NPHP4: variants seen among roughly 807,000 people sequenced by gnomAD.
The protein encoded by NPHP4 is nephrocystin 4.
In NPHP4, 151 loss-of-function variants were observed where a neutral mutation model predicts 155.8. The observed-to-expected ratio is 0.97, with a 90% CI of 0.85 to 1.11. The LOEUF is 1.11. NPHP4 is among the 50% of genes least tolerant of loss of function. The pLI is 0.00. For missense variants in NPHP4, 1,956 were observed against 1,925.7 expected, an observed-to-expected ratio of 1.02 and a Z score of -0.29; for synonymous variants, 845 against 816.8, an observed-to-expected ratio of 1.03 and a Z score of -0.59.
rs1278089386 is a variant in NPHP4 at position 5,873,294 on chromosome 1, CA to C, written c.3272del (p.Val1091GlyfsTer31). On this transcript the variant is annotated frameshift_variant, in exon 23 of 30. Transcript: ENST00000378156. LOFTEE classifies it high-confidence loss of function. The part of the protein sequence containing the change: ...GLSNEKGMDA[V>X]SPWKSSAVPT... ...GCACTGCGCTGGACTTCCAAGGTGA[CA>C]CGGCGTCCATGCCCTTCTCGTTGCT... 30 of 1,613,986 alleles carry C rather than the reference CA, an allele frequency of 1.9e-5. No homozygotes were observed. Among genetic ancestry groups the C allele is most frequent in the South Asian group, 5.5e-5 (5 of 91,082 alleles).
chr1:5,925,621 T>A (rs138455852), intron 11 of NPHP4, among the ~76,000 whole-genome samples: 1 of 152,244 alleles, frequency 6.6e-6, no homozygotes, highest in African/African-American at 2.4e-5. Context: ...TTGTTTGTTT[T>A]GTTTTGTTTT....
intron 23 of NPHP4, among the ~76,000 whole-genome samples, chr1:5,871,301 G>C (rs1641977797): frequency 6.6e-6 from 1 of 152,190 alleles, no homozygotes. Flanking sequence ...GCGGTGGCCT[G>C]AGAGAGGGCA....
chr1:5,905,494 G>C lies in NPHP4; in HGVS notation c.1764-11C>G, dbSNP rs1370863951. 9 of 1,600,114 alleles carry C rather than the reference G, an allele frequency of 5.6e-6. No individual in the cohort carries two copies. Among genetic ancestry groups the C allele is most frequent in the African/African-American group, 1.3e-5 (1 of 74,560 alleles). On this transcript the variant is annotated splice_polypyrimidine_tract_variant and intron_variant, in intron 14 of 29. Transcript: ENST00000378156. This position sits in a 1 kb window ranked among gnomAD's most constrained non-coding sequence, Gnocchi z 4.0. The stretch of plus-strand genomic sequence containing the variant: ...GGCTGCCCTGCAGAGCTGAGACACA[G>C]AGACTCCTCAGGTAGCCTCCCGGGA...
chr1:5,917,207 C>A (rs774122606), intron 11 of NPHP4, among the ~76,000 whole-genome samples: 9 of 152,118 alleles, frequency 5.9e-5, no homozygotes, highest in Non-Finnish European at 1.3e-4. Flanking sequence ...GGGTGTGTGA[C>A]CAAGGCCAAC....
chr1:5,894,244 GA>G (rs1644282980), intron 16 of NPHP4, among the ~76,000 whole-genome samples: 1 of 152,144 alleles, frequency 6.6e-6, no homozygotes, highest in African/African-American at 2.4e-5. Flanking sequence ...CAATAAACTA[GA>G]AATTAATATG....
intron 16 of NPHP4, among the ~76,000 whole-genome samples, chr1:5,899,078 C>T (rs1323278400): frequency 6.6e-6 from 1 of 152,226 alleles, no homozygotes; most frequent in African/African-American, 2.4e-5. Flanking sequence ...CTGTCTCCTG[C>T]TGATGGATGT....
chr1:5,909,436 G>A (rs781364363), intron 11 of NPHP4, among the ~76,000 whole-genome samples: 7 of 152,274 alleles, frequency 4.6e-5, no homozygotes, highest in Middle Eastern at 3.4e-3. Flanking sequence ...CAGGAGAGGG[G>A]GTACAGCTGG....
chr1:5,952,506 A>G (rs896248077), intron 7 of NPHP4, among the ~76,000 whole-genome samples, 194 bp downstream of exon 7: 14 of 152,026 alleles, frequency 9.2e-5, no homozygotes, highest in Non-Finnish European at 1.9e-4. Context: ...ACAGAACTAC[A>G]TCCTTAGGGC....
chr1:5,898,098 AG>A (rs1644483503), intron 16 of NPHP4, among the ~76,000 whole-genome samples: 1 of 152,220 alleles, frequency 6.6e-6, no homozygotes, highest in Non-Finnish European at 1.5e-5. Context: ...GGGACAGCCC[AG>A]GGAGAGGAAA....
chr1:5,934,421 C>T (rs962414527), intron 9 of NPHP4, among the ~76,000 whole-genome samples: 2 of 152,164 alleles, frequency 1.3e-5, no homozygotes, highest in Non-Finnish European at 2.9e-5. Context: ...TCCACTTCCA[C>T]CTGGGACTTC....
intron 12 of NPHP4, among the ~76,000 whole-genome samples, 151 bp from the exon 13 acceptor site, chr1:5,907,373 C>T (rs1014562403): frequency 2.6e-5 from 4 of 152,248 alleles, no homozygotes; most frequent in African/African-American, 9.6e-5. Flanking sequence ...GCCAGGGCAG[C>T]TCTGGAACCT....
intron 6 of NPHP4, among the ~76,000 whole-genome samples, chr1:5,960,045 C>A (rs916574127): frequency 2.0e-5 from 3 of 152,250 alleles, no homozygotes; most frequent in Non-Finnish European, 4.4e-5. Flanking sequence ...GGACAAGCCA[C>A]GGACCAGGTC....
At position 5,967,322 on chromosome 1, in the gene NPHP4, G is replaced by A. The variant is rs750994795; in HGVS notation, c.494C>T (p.Pro165Leu). Residue 165 changes from proline (P) to leucine (L), a missense_variant, in exon 5 of 30, where the codon CCG becomes CTG. Pro to Leu is a moderately conservative substitution (Grantham distance 98, BLOSUM62 -3). Coordinates refer to ENST00000378156, the MANE Select transcript of NPHP4 (RefSeq NM_015102.5). The part of the protein sequence containing the change: ...YHGTPRALLH[P>L]LLQDPAEQNR... ...ACGCTCTGCGGGGTCCTGGAGAAGCGGGTGCAGGAGGGCTCTGGGGGTGCC... is the reference window on the plus strand; with the variant it reads ...ACGCTCTGCGGGGTCCTGGAGAAGCAGGTGCAGGAGGGCTCTGGGGGTGCC... 31 of 1,606,960 alleles carry A rather than the reference G, an allele frequency of 1.9e-5. No homozygotes were observed. The highest frequency in any genetic ancestry group is 8.0e-5 in the African/African-American group (6 of 74,878).
intron 9 of NPHP4, among the ~76,000 whole-genome samples, chr1:5,938,160 G>A (rs1646641850): frequency 6.6e-6 from 1 of 152,252 alleles, no homozygotes; most frequent in Non-Finnish European, 1.5e-5. Flanking sequence ...AGCGGCGGGT[G>A]GCTCCGGAAC....
chr1:5,959,617 A>G (rs1649929242), intron 6 of NPHP4, among the ~76,000 whole-genome samples: 1 of 152,222 alleles, frequency 6.6e-6, no homozygotes, highest in African/African-American at 2.4e-5. Flanking sequence ...TCCGGCTCCA[A>G]GACTCCCAGG....
At chr1:5,884,312 C>A (rs1045517226) in intron 18 of NPHP4, among the ~76,000 whole-genome samples, 1 of 152,160 alleles carries the variant, frequency 6.6e-6, no homozygotes, top group Non-Finnish European at 1.5e-5. Flanking sequence ...CCATCACCAC[C>A]CAGTTCTCCT....
In NPHP4 at chr1:5,874,451, T is replaced by G; in HGVS notation, c.3231+20A>C. 2 of 1,502,056 alleles carry G rather than the reference T, an allele frequency of 1.3e-6. No homozygotes were observed. Among genetic ancestry groups the G allele is most frequent in the Non-Finnish European group, 1.8e-6 (2 of 1,121,982 alleles). 93.0% of individuals were successfully genotyped at this position (1,502,056 alleles called of 1,614,324 possible). On this transcript the variant is annotated intron_variant, in intron 22 of 29. Transcript: ENST00000378156. ...CGTCATCAGCCAAATGCAACTTCCC[T>G]GTGTGCCTGACACCCGCACCTGCAC...
At chr1:5,875,451 G>A (rs575331439) in intron 20 of NPHP4, among the ~76,000 whole-genome samples, 1 of 152,342 alleles carries the variant, frequency 6.6e-6, no homozygotes, top group Non-Finnish European at 1.5e-5. Flanking sequence ...CAAAACTATG[G>A]TGACAGGCCT....
chr1:5,866,074 T>C, intron 26 of NPHP4: 1 of 454,046 alleles, frequency 2.2e-6, no homozygotes, highest in Non-Finnish European at 4.1e-6. Context: ...AAAAAGGTAA[T>C]GAGGGGCTTC....
Sources: allele counts gnomAD v4.1 joint callset (sites outside exome capture counted in the v4.1 genomes callset), GRCh38; gene constraint gnomAD v4.1.1; non-coding constraint Gnocchi (gnomAD v3.1); transcripts MANE v1.5; gene names NCBI Gene and HGNC (gene_info 2026-07-23, HGNC 2026-07-21).